Variants in PCDH9 observed in about 807,000 individuals in gnomAD.
The protein encoded by PCDH9 is protocadherin-9.
PCDH9 carries 24 observed loss-of-function variants against 70.6 expected under a neutral mutation model. The observed-to-expected ratio is 0.34, with a 90% confidence interval of 0.25 to 0.48. The LOEUF (loss-of-function observed/expected upper bound fraction) is 0.48, where lower values mean the gene tolerates loss of function less well. PCDH9 is among the 20% of genes least tolerant of loss of function. The pLI, the probability that PCDH9 is intolerant of heterozygous loss-of-function variation, is 0.99. For missense variants in PCDH9, 1,281 were observed against 1,503.6 expected (o/e 0.85, Z 2.45); for synonymous variants, 562 against 558.5 (o/e 1.01, Z -0.09).
At chr13:66,916,579 T>G (rs1207284388) in intron 2 of PCDH9, among the ~76,000 whole-genome samples, 1 of 151,538 alleles carries the variant, frequency 6.6e-6, no homozygotes, top group Non-Finnish European at 1.5e-5. Context: ...TCTAATAAAA[T>G]GTATGTGAAT....
rs954325649 is a variant in PCDH9, at chr13:66,834,085, T to C, written c.3138+69419A>G. 3.9e-5 allele frequency among the ~76,000 whole-genome samples: 6 copies of C among 152,166 alleles called. No homozygotes were observed. The East Asian group carries it at 7.7e-4, about 20-fold the overall frequency. ...TTCATATATACATAATCTTTATACA[T>C]TGATGTCCCTTCAACATTTGTTTGG... is the stretch of plus-strand genomic sequence containing the variant. On this transcript the variant is annotated intron_variant, in intron 3 of 4. Coordinates refer to ENST00000377865, the MANE Select transcript of PCDH9 (RefSeq NM_203487.3).
At chr13:67,148,574 T>A (rs2087580282) in intron 2 of PCDH9, among the ~76,000 whole-genome samples, 1 of 152,078 alleles carries the variant, frequency 6.6e-6, no homozygotes, top group South Asian at 2.1e-4. Context: ...AGCCAACTTC[T>A]TTTTTTTAAT....
At chr13:66,772,872 T>C (rs1286213177) in intron 3 of PCDH9, among the ~76,000 whole-genome samples, 2 of 151,950 alleles carry the variant, frequency 1.3e-5, no homozygotes, top group African/African-American at 4.8e-5. Context: ...TTCTCTATTA[T>C]CTATATAGAG....
At chr13:66,870,927 A>G (rs1010665998) in intron 3 of PCDH9, among the ~76,000 whole-genome samples, 6 of 152,200 alleles carry the variant, frequency 3.9e-5, no homozygotes, top group African/African-American at 7.2e-5. Flanking sequence ...TGCTATAAAG[A>G]CACATGCACA....
intron 3 of PCDH9, among the ~76,000 whole-genome samples, chr13:66,890,266 C>CT (rs1453818572): frequency 2.0e-5 from 3 of 151,984 alleles, no homozygotes; most frequent in African/African-American, 7.2e-5. Flanking sequence ...CCTAGCTACA[C>CT]TTTTTAAAAT....
At chr13:66,935,086 C>CG (rs1460966474) in intron 2 of PCDH9, among the ~76,000 whole-genome samples, 3 of 151,516 alleles carry the variant, frequency 2.0e-5, no homozygotes, top group Non-Finnish European at 4.4e-5. Context: ...TTTTTGGAGA[C>CG]GGGGTCTCAA....
At chr13:66,974,290 G>C (rs1243155575) in intron 2 of PCDH9, among the ~76,000 whole-genome samples, 4 of 151,974 alleles carry the variant, frequency 2.6e-5, no homozygotes, top group Non-Finnish European at 5.9e-5. Context: ...AGGTAATGGA[G>C]TAGCTGCAAA....
At chr13:66,556,831 T>C (rs533700207) in intron 4 of PCDH9, among the ~76,000 whole-genome samples, 15 of 152,226 alleles carry the variant, frequency 9.9e-5, no homozygotes, top group Admixed American at 2.0e-4. Flanking sequence ...GAGTACATTA[T>C]TTCATAACAA....
At chr13:66,788,448 A>G (rs1230358072) in intron 3 of PCDH9, among the ~76,000 whole-genome samples, 2 of 152,134 alleles carry the variant, frequency 1.3e-5, no homozygotes, top group Non-Finnish European at 2.9e-5. Context: ...ATAGAATAAC[A>G]ATATACACAT....
At chr13:66,314,143 T>TAA (rs1955610818) in intron 4 of PCDH9, among the ~76,000 whole-genome samples, 1 of 152,220 alleles carries the variant, frequency 6.6e-6, no homozygotes, top group Non-Finnish European at 1.5e-5. Flanking sequence ...CCTGCATTTC[T>TAA]AACAGTTCCT....
At chr13:66,902,032 T>C (rs1469445333) in intron 3 of PCDH9, among the ~76,000 whole-genome samples, 1 of 151,656 alleles carries the variant, frequency 6.6e-6, no homozygotes, top group Non-Finnish European at 1.5e-5. Context: ...AATTTTTCTC[T>C]GCCATCCAAT....
At chr13:67,012,315 G>A (rs1051420062) in intron 2 of PCDH9, among the ~76,000 whole-genome samples, 1 of 151,706 alleles carries the variant, frequency 6.6e-6, no homozygotes, top group African/African-American at 2.4e-5. Flanking sequence ...TAATGTGCAC[G>A]TGTGTGTATG....
At chr13:66,871,783 C>G (rs541314571) in intron 3 of PCDH9, among the ~76,000 whole-genome samples, 4 of 151,996 alleles carry the variant, frequency 2.6e-5, no homozygotes, top group African/African-American at 9.7e-5. Flanking sequence ...ACCTATTTCC[C>G]GGCAGGCAGA....
chr13:66,370,224 T>A lies in PCDH9; in HGVS notation c.3341-65196A>T, dbSNP rs546733747. On this transcript the variant is annotated intron_variant, in intron 4 of 4. Coordinates refer to ENST00000377865, the MANE Select transcript of PCDH9 (RefSeq NM_203487.3). The stretch of plus-strand genomic sequence containing the variant: ...GTCTTCCTCAAGGACCTAGGAGCCA[T>A]CCTTCTTAAATGTAATAATCTAGAA... Among the ~76,000 whole-genome samples, 28 of 152,114 alleles carry A rather than the reference T, an allele frequency of 1.8e-4. No homozygotes were observed. The South Asian group carries it at 5.6e-3, about 30-fold the overall frequency.
At chr13:66,613,081 C>T (rs2077312456) in intron 4 of PCDH9, among the ~76,000 whole-genome samples, 3 of 152,046 alleles carry the variant, frequency 2.0e-5, no homozygotes, top group African/African-American at 4.8e-5. Flanking sequence ...ATGCCTCCAC[C>T]CCAGTCGCTC....
chr13:66,632,248 C>G (rs911275805), intron 3 of PCDH9, among the ~76,000 whole-genome samples: 1 of 152,162 alleles, frequency 6.6e-6, no homozygotes, highest in Admixed American at 6.5e-5. Flanking sequence ...TAAAGCAATA[C>G]TGGAATAATT....
At chr13:66,745,113 T>C (rs1457614916) in intron 3 of PCDH9, among the ~76,000 whole-genome samples, 1 of 152,124 alleles carries the variant, frequency 6.6e-6, no homozygotes, top group South Asian at 2.1e-4. Flanking sequence ...ACCCCACTCA[T>C]AAGGATGTTT....
intron 3 of PCDH9, among the ~76,000 whole-genome samples, chr13:66,730,253 C>A (rs2079055182): frequency 6.6e-6 from 1 of 151,932 alleles, no homozygotes; most frequent in Admixed American, 6.6e-5. Flanking sequence ...TATTGACAAG[C>A]TTTCCTGTCA....
At chr13:66,388,883 GATC>G (rs1593898269) in intron 4 of PCDH9, among the ~76,000 whole-genome samples, 1 of 152,114 alleles carries the variant, frequency 6.6e-6, no homozygotes, top group East Asian at 1.9e-4. Flanking sequence ...TACATATTCA[GATC>G]ATATTTCCAA....
Sources: allele counts gnomAD v4.1 joint callset (sites outside exome capture counted in the v4.1 genomes callset), GRCh38; gene constraint gnomAD v4.1.1; transcripts MANE v1.5; gene names NCBI Gene and HGNC (gene_info 2026-07-23, HGNC 2026-07-21).